GC: variants seen among roughly 807,000 people sequenced by gnomAD.
GC encodes the protein GC vitamin D binding protein.
In GC, 43 loss-of-function variants were observed where a neutral mutation model predicts 56.7. The observed-to-expected ratio is 0.76, with a 90% CI of 0.59 to 0.98. The LOEUF (loss-of-function observed/expected upper bound fraction) is 0.98. Ranked by LOEUF, GC falls within the 50% of genes least tolerant of loss-of-function variation. The pLI is 0.00. For missense variants in GC, 529 were observed against 545.9 expected, an observed-to-expected ratio of 0.97 and a Z score of 0.31; for synonymous variants, 216 against 202.7, an observed-to-expected ratio of 1.07 and a Z score of -0.56.
intron 1 of GC, among the ~76,000 whole-genome samples, chr4:71,783,139 C>T (rs180888468): frequency 6.6e-5 from 10 of 151,736 alleles, no homozygotes; most frequent in East Asian, 3.9e-4. Context: ...TAATAATGTA[C>T]GAATTAGGTG....
At chr4:71,751,690 G>A (rs138524917) in intron 11 of GC, among the ~76,000 whole-genome samples, 2 of 151,934 alleles carry the variant, frequency 1.3e-5, no homozygotes, top group Non-Finnish European at 2.9e-5. Flanking sequence ...ACAGGGAGGA[G>A]GGGAAGGGAC....
chr4:71,769,844 A>G (rs568291880), intron 1 of GC, among the ~76,000 whole-genome samples: 2 of 152,224 alleles, frequency 1.3e-5, no homozygotes, highest in Admixed American at 1.3e-4. Context: ...ACTACAAATA[A>G]TTGGAGACTG....
upstream of GC, chr4:71,784,300 C>T (rs1283117827): frequency 1.8e-6 from 2 of 1,122,674 alleles, no homozygotes; most frequent in African/African-American, 1.6e-5. Flanking sequence ...TGTCAAACTG[C>T]AAAAGAGCCA....
chr4:71,770,747 T>C (rs1438156772), intron 1 of GC, among the ~76,000 whole-genome samples: 1 of 152,152 alleles, frequency 6.6e-6, no homozygotes, highest in Non-Finnish European at 1.5e-5. Context: ...GCAATAGAAC[T>C]GAAACAGGCC....
intron 10 of GC, among the ~76,000 whole-genome samples, chr4:71,754,068 AT>A: frequency 6.6e-6 from 1 of 152,348 alleles, no homozygotes; most frequent in African/African-American, 2.4e-5. Context: ...TTTTAAAAAA[AT>A]AAAATGATTT....
intron 6 of GC, among the ~76,000 whole-genome samples, chr4:71,762,199 G>A (rs961377890): frequency 2.8e-4 from 42 of 152,202 alleles, no homozygotes; most frequent in Admixed American, 2.2e-3. Context: ...GCAGCAACGT[G>A]AGCTGGATAT....
rs752043270 is a variant in GC at position 71,765,424 on chromosome 4, G to A, written c.473+8C>T. 6.9e-6 allele frequency: 11 copies of A among 1,601,262 alleles called. No individual in the cohort carries two copies. The Admixed American group carries it at 1.3e-4, about 19-fold the overall frequency. On this transcript the variant is annotated splice_region_variant and intron_variant, in intron 4 of 12. Transcript: ENST00000273951. ...TCCTAAAGTTCTATTTATGATGAAG[G>A]CACTCACTGATTAGCATATTCCTTT...
At chr4:71,760,598 C>A (rs1390779946) in intron 6 of GC, among the ~76,000 whole-genome samples, 3 of 152,024 alleles carry the variant, frequency 2.0e-5, no homozygotes, top group Non-Finnish European at 4.4e-5. Context: ...GTGAAGGTTG[C>A]AAATATAAGG....
In GC at chr4:71,768,329, C is replaced by T; in HGVS notation, c.233G>A (p.Gly78Glu). 2 of 1,612,696 alleles carry T rather than the reference C, an allele frequency of 1.2e-6. No homozygotes were observed. The highest frequency in any genetic ancestry group is 1.7e-6 in the Non-Finnish European group (2 of 1,179,420). The change falls in exon 3 of 13, where the codon GGG becomes GAG. Residue 78 changes from glycine to glutamate, a missense_variant. By Grantham distance (98) the Gly-to-Glu change is moderately conservative. Transcript: ENST00000273951. ...GGTGTCATAGCAGTCAGGGTCAGCC[C>T]CTTCCGCACAGCAGGCTTCGGTCAA... ...VSLTEACCAE[G>E]ADPDCYDTRT...
chr4:71,741,764 G>A lies in GC; in HGVS notation c.*132C>T, dbSNP rs2149290543. On this transcript the variant is annotated 3_prime_UTR_variant, in exon 13 of 13. Transcript: ENST00000273951. ...ATACTTGTCATTGTATGAAGATATT[G>A]TAGCTAGAAAAAGTAGAAAGTATCC... 5 of 696,932 alleles carry A rather than the reference G, an allele frequency of 7.2e-6. No homozygotes were observed. The highest frequency in any genetic ancestry group is 2.3e-4 in the Middle Eastern group (1 of 4,328). The allele number at this position is 696,932 out of a possible 1,614,324, so 43.2% of individuals were successfully genotyped here.
chr4:71,803,007 C>T (rs191245609), intron 1 of GC, among the ~76,000 whole-genome samples: 23 of 152,146 alleles, frequency 1.5e-4, no homozygotes, highest in African/African-American at 4.6e-4. Flanking sequence ...AGTCAGGGAC[C>T]GTCTGTATTC....
intron 1 of GC, among the ~76,000 whole-genome samples, chr4:71,795,136 T>C (rs998414612): frequency 3.9e-5 from 6 of 152,180 alleles, no homozygotes; most frequent in Non-Finnish European, 8.8e-5. Flanking sequence ...TATATTCTGT[T>C]GATTTGGGGT....
intron 1 of GC, among the ~76,000 whole-genome samples, chr4:71,771,245 G>A (rs923218960): frequency 4.6e-5 from 7 of 152,114 alleles, no homozygotes; most frequent in African/African-American, 7.2e-5. Context: ...TTTTATGGAA[G>A]ACAGTGTAAA....
intron 3 of GC, among the ~76,000 whole-genome samples, chr4:71,766,008 A>T (rs1414324794): frequency 6.6e-6 from 1 of 152,134 alleles, no homozygotes; most frequent in Middle Eastern, 3.2e-3. Context: ...TCCACAGATG[A>T]TTCTGTCATT....
At chr4:71,798,564 A>G (rs60335695) in intron 1 of GC, among the ~76,000 whole-genome samples, 18,152 of 152,202 alleles carry the variant, frequency 0.12, 1,489 homozygotes, top group African/African-American at 0.23. Context: ...TGGTTGTGTG[A>G]AGGGCACAAA....
At chr4:71,761,657 G>T (rs979543280) in intron 6 of GC, among the ~76,000 whole-genome samples, 2 of 152,128 alleles carry the variant, frequency 1.3e-5, no homozygotes, top group African/African-American at 4.8e-5. Context: ...CCAGGCTCAG[G>T]GTTCCCGTGC....
chr4:71,774,553 T>C (rs1742446359), intron 1 of GC, among the ~76,000 whole-genome samples: 1 of 151,942 alleles, frequency 6.6e-6, no homozygotes, highest in Admixed American at 6.6e-5. Flanking sequence ...AAAGGTGATA[T>C]CCCCTGCATT....
intron 1 of GC, among the ~76,000 whole-genome samples, chr4:71,774,105 T>A (rs542536240): frequency 6.6e-6 from 1 of 151,936 alleles, no homozygotes; most frequent in Non-Finnish European, 1.5e-5. Flanking sequence ...TGAGCTTGAG[T>A]CAATGAAAAG....
At chr4:71,784,151 C>T (rs1389231838), upstream of GC, 1 of 1,364,644 alleles carries the variant, frequency 7.3e-7, no homozygotes, top group Admixed American at 3.3e-5. Context: ...ATCTCAGAAG[C>T]AACACAGAAT....
Sources: gnomAD v4.1 joint callset for allele counts (sites outside exome capture counted in the v4.1 genomes callset) on GRCh38, gnomAD v4.1.1 for gene constraint, MANE v1.5 for transcripts, NCBI Gene and HGNC (gene_info 2026-07-23, HGNC 2026-07-21) for gene names.